Variants in ACTR3C observed in about 807,000 individuals in gnomAD.
The protein encoded by ACTR3C is actin-related protein 3C.
In ACTR3C, 18 loss-of-function variants were observed where a neutral mutation model predicts 26.3. The ratio of observed to expected loss-of-function variants is 0.68; its 90% CI spans 0.47 to 1.01. The LOEUF (loss-of-function observed/expected upper bound fraction) is 1.01, where lower values mean the gene tolerates loss of function less well. Ranked by LOEUF, ACTR3C falls within the 50% of genes least tolerant of loss-of-function variation. ACTR3C has a pLI of 0.00. For synonymous variants in ACTR3C, 55 were observed against 94.5 expected (o/e 0.58, Z 2.42); for missense variants, 184 against 250.7 (o/e 0.73, Z 1.80).
At chr7:149,974,871 G>A in the ACTR3C span, among the ~76,000 whole-genome samples, 6 of 151,944 alleles carry the variant, frequency 3.9e-5, no homozygotes, top group African/African-American at 9.7e-5. Flanking sequence ...TAGTCAGTCC[G>A]TTGAAAGGTC....
At chr7:149,886,214 A>G in the ACTR3C span, among the ~76,000 whole-genome samples, 41 of 152,300 alleles carry the variant, frequency 2.7e-4, no homozygotes, top group African/African-American at 8.9e-4. Flanking sequence ...ACACTGATGC[A>G]CTTTGCGGAA....
At chr7:150,232,593 G>A in the ACTR3C span, among the ~76,000 whole-genome samples, 2 of 145,042 alleles carry the variant, frequency 1.4e-5, no homozygotes, top group East Asian at 3.9e-4. Context: ...GGAGGCTGAG[G>A]CAGGCAGATC....
At chr7:150,095,807 G>A in the ACTR3C span, among the ~76,000 whole-genome samples, 2 of 150,598 alleles carry the variant, frequency 1.3e-5, no homozygotes, top group East Asian at 3.9e-4. Context: ...AACCTTATTA[G>A]TGCATTGGTT....
chr7:150,057,282 T>TC, the ACTR3C span, among the ~76,000 whole-genome samples: 1 of 148,788 alleles, frequency 6.7e-6, no homozygotes, highest in Non-Finnish European at 1.5e-5. Context: ...GGTCCTTTTT[T>TC]TTTTTTTTTT....
chr7:150,083,079 G>T, the ACTR3C span, among the ~76,000 whole-genome samples: 1 of 149,986 alleles, frequency 6.7e-6, no homozygotes, highest in Admixed American at 6.6e-5. Flanking sequence ...CTGAGTAGCT[G>T]GGACTACAGG....
At chr7:150,279,434 C>T (rs1023115873) in intron 6 of ACTR3C, among the ~76,000 whole-genome samples, 1 of 152,112 alleles carries the variant, frequency 6.6e-6, no homozygotes, top group Non-Finnish European at 1.5e-5. Context: ...AAATCAATCC[C>T]TTTGCTATAG....
chr7:150,309,431 C>T (rs988349811), intron 1 of ACTR3C, among the ~76,000 whole-genome samples: 27 of 152,210 alleles, frequency 1.8e-4, no homozygotes, highest in Admixed American at 1.6e-3. Flanking sequence ...AACCCCACAA[C>T]AGGAATTAAT....
At chr7:150,312,359 A>T (rs544738029) in intron 1 of ACTR3C, among the ~76,000 whole-genome samples, 28 of 152,302 alleles carry the variant, frequency 1.8e-4, no homozygotes, top group African/African-American at 6.5e-4. Context: ...AAACTATTGA[A>T]CTTCTCCGTT....
the ACTR3C span, among the ~76,000 whole-genome samples, chr7:150,107,505 T>C: frequency 6.6e-6 from 1 of 152,016 alleles, no homozygotes; most frequent in Non-Finnish European, 1.5e-5. Context: ...CTGATTCAGA[T>C]ACAACCTTGA....
chr7:149,889,986 A>G, the ACTR3C span, among the ~76,000 whole-genome samples: 1 of 152,154 alleles, frequency 6.6e-6, no homozygotes, highest in Non-Finnish European at 1.5e-5. Flanking sequence ...ACAGCCAGGG[A>G]AAAAAAATCA....
chr7:150,220,024 C>T, the ACTR3C span, among the ~76,000 whole-genome samples: 5 of 147,014 alleles, frequency 3.4e-5, 1 homozygote, highest in African/African-American at 1.4e-4. Flanking sequence ...ACGGGCAGAG[C>T]CCTGCTGCTG....
the ACTR3C span, among the ~76,000 whole-genome samples, chr7:150,029,326 G>A: frequency 6.6e-6 from 1 of 150,744 alleles, no homozygotes; most frequent in East Asian, 1.9e-4. Context: ...TTGGGAGACC[G>A]AGGTGGGAGG....
At chr7:150,094,243 A>G in the ACTR3C span, among the ~76,000 whole-genome samples, 4 of 150,264 alleles carry the variant, frequency 2.7e-5, no homozygotes, top group Non-Finnish European at 5.9e-5. Flanking sequence ...GAAAGAATCT[A>G]CAAAGAACCA....
chr7:150,300,079 G>A (rs1470554826), intron 1 of ACTR3C, among the ~76,000 whole-genome samples: 8 of 152,058 alleles, frequency 5.3e-5, no homozygotes, highest in Non-Finnish European at 7.4e-5. Flanking sequence ...CTAGCCGGGC[G>A]CAATGGCTCA....
At chr7:149,906,436 T>TGAGA in the ACTR3C span, among the ~76,000 whole-genome samples, 18 of 98,974 alleles carry the variant, frequency 1.8e-4, no homozygotes, top group African/African-American at 4.3e-4. Context: ...TTTTTTTTTT[T>TGAGA]TTTTTTTTTT....
chr7:150,066,699 C>T, the ACTR3C span, among the ~76,000 whole-genome samples: 1 of 152,162 alleles, frequency 6.6e-6, no homozygotes, highest in Admixed American at 6.5e-5. Context: ...CCAATGTCAC[C>T]AGGGCAGAGA....
At chr7:150,173,429 A>G in the ACTR3C span, among the ~76,000 whole-genome samples, 1 of 147,082 alleles carries the variant, frequency 6.8e-6, no homozygotes, top group Non-Finnish European at 1.5e-5. Flanking sequence ...ACAGGGTACC[A>G]AGTCCCTAGG....
At chr7:149,975,095 T>TC in the ACTR3C span, among the ~76,000 whole-genome samples, 1 of 152,032 alleles carries the variant, frequency 6.6e-6, no homozygotes. Context: ...AATACACATG[T>TC]CCCCCCAGTG....
chr7:150,137,867 C>T, the ACTR3C span, among the ~76,000 whole-genome samples: 4 of 152,084 alleles, frequency 2.6e-5, no homozygotes, highest in African/African-American at 9.7e-5. Context: ...CAAGAAACTG[C>T]TATAGTCTTA....
Sources: allele counts gnomAD v4.1 joint callset (sites outside exome capture counted in the v4.1 genomes callset), GRCh38; gene constraint gnomAD v4.1.1; transcripts MANE v1.5; gene names NCBI Gene and HGNC (gene_info 2026-07-23, HGNC 2026-07-21).